The following SCARA3 variants were observed in gnomAD, a reference collection of about 807,000 sequenced individuals.
The protein encoded by SCARA3 is scavenger receptor class A member 3.
Under a neutral mutation model 47.0 loss-of-function variants are expected in SCARA3, and 39 were observed. The ratio of observed to expected loss-of-function variants is 0.83; its 90% CI spans 0.64 to 1.08. The LOEUF (loss-of-function observed/expected upper bound fraction) is 1.08, where lower values mean the gene tolerates loss of function less well. SCARA3 is among the 50% of genes least tolerant of loss of function. SCARA3 has a pLI of 0.00. For missense variants in SCARA3, 724 were observed against 792.3 expected, an observed-to-expected ratio of 0.91 and a Z score of 1.04; for synonymous variants, 356 against 334.1, an observed-to-expected ratio of 1.07 and a Z score of -0.71.
chr8:27,648,010 G>A (rs902614803), intron 1 of SCARA3, among the ~76,000 whole-genome samples: 7 of 152,170 alleles, frequency 4.6e-5, no homozygotes, highest in East Asian at 1.9e-4. Flanking sequence ...CCGAGGCTCC[G>A]CAGCTCATTC....
the SCARA3 span, among the ~76,000 whole-genome samples, chr8:27,729,018 T>C: frequency 6.6e-6 from 1 of 152,148 alleles, no homozygotes; most frequent in Non-Finnish European, 1.5e-5. Flanking sequence ...TGAGCTGTGA[T>C]TGCACCGTTG....
the SCARA3 span, among the ~76,000 whole-genome samples, chr8:27,684,213 A>T: frequency 1.3e-5 from 2 of 152,218 alleles, no homozygotes; most frequent in Admixed American, 6.5e-5. Context: ...ACTCAACTTT[A>T]AAAAAAGTCA....
chr8:27,689,328 A>G, the SCARA3 span, among the ~76,000 whole-genome samples: 1 of 152,148 alleles, frequency 6.6e-6, no homozygotes, highest in East Asian at 1.9e-4. Context: ...GAATGCTGAG[A>G]GTGAATGGGC....
chr8:27,678,892 C>A (rs1802316857), downstream of SCARA3, among the ~76,000 whole-genome samples: 1 of 152,168 alleles, frequency 6.6e-6, no homozygotes, highest in East Asian at 1.9e-4. Flanking sequence ...TTTTAATACT[C>A]AAAAATCAAT....
chr8:27,637,058 C>T (rs1447015077), intron 1 of SCARA3, among the ~76,000 whole-genome samples: 2 of 152,236 alleles, frequency 1.3e-5, no homozygotes, highest in African/African-American at 2.4e-5. Context: ...AAAACAAACA[C>T]GTGATGTGAT....
Position 27,672,042 on chromosome 8 carries a change from G to A in SCARA3, c.*691G>A. On this transcript the variant is annotated 3_prime_UTR_variant, in exon 6 of 6. Transcript: ENST00000301904. Reference sequence around the variant, plus strand: ...AAAAGCCCCAAGGAAACCTTTGCGGGTGGGGCGTTACTGCCAAAACTCCAG... The same window carrying A: ...AAAAGCCCCAAGGAAACCTTTGCGGATGGGGCGTTACTGCCAAAACTCCAG... 1 of 985,414 alleles carries A rather than the reference G, an allele frequency of 1.0e-6. No individual in the cohort carries two copies. Among genetic ancestry groups the A allele is most frequent in the Non-Finnish European group, 1.2e-6 (1 of 829,952 alleles). 61.0% of individuals were successfully genotyped at this position (985,414 alleles called of 1,614,324 possible).
At chr8:27,654,789 C>CAAAAAAAA (rs539914704) in intron 3 of SCARA3, among the ~76,000 whole-genome samples, 1 of 86,122 alleles carries the variant, frequency 1.2e-5, no homozygotes, top group African/African-American at 4.6e-5. Flanking sequence ...GACTGTCTCA[C>CAAAAAAAA]AAAAAAAAAA....
the SCARA3 span, among the ~76,000 whole-genome samples, chr8:27,690,128 A>C: frequency 6.6e-6 from 1 of 152,130 alleles, no homozygotes; most frequent in Non-Finnish European, 1.5e-5. Flanking sequence ...TGATCTTAAC[A>C]CTCTGGGATA....
At chr8:27,635,590 T>G (rs1801232399) in intron 1 of SCARA3, among the ~76,000 whole-genome samples, 1 of 151,494 alleles carries the variant, frequency 6.6e-6, no homozygotes, top group Admixed American at 6.6e-5. Context: ...CTGGTACTAC[T>G]AGGACTACAG....
chr8:27,671,689 CAT>C lies in SCARA3; in HGVS notation c.*340_*341del, dbSNP rs1371789076. On this transcript the variant is annotated 3_prime_UTR_variant, in exon 6 of 6. Transcript: ENST00000301904. ...ACACATGCACACATACACGTGCACA[CAT>C]ACACAGGCACACATGCATGCACACA... 2 of 1,078,214 alleles carry C rather than the reference CAT, an allele frequency of 1.9e-6. No individual in the cohort carries two copies. Among genetic ancestry groups the C allele is most frequent in the Non-Finnish European group, 2.3e-6 (2 of 883,576 alleles). The allele number at this position is 1,078,214 out of a possible 1,614,324, so 66.8% of individuals were successfully genotyped here.
chr8:27,681,112 C>T (rs1304328943), downstream of SCARA3, among the ~76,000 whole-genome samples: 1 of 152,116 alleles, frequency 6.6e-6, no homozygotes, highest in East Asian at 1.9e-4. Flanking sequence ...TTACAACTTA[C>T]AGCCAACATT....
chr8:27,678,487 G>T (rs1217805673), downstream of SCARA3, among the ~76,000 whole-genome samples: 2 of 152,170 alleles, frequency 1.3e-5, no homozygotes, highest in Non-Finnish European at 2.9e-5. Flanking sequence ...AAGAAATAAT[G>T]AGTATAGCTC....
the SCARA3 span, among the ~76,000 whole-genome samples, chr8:27,717,137 A>G: frequency 6.6e-6 from 1 of 152,218 alleles, no homozygotes; most frequent in Non-Finnish European, 1.5e-5. Flanking sequence ...TGGGTGTGAC[A>G]TGGAACCTGA....
chr8:27,693,005 A>C, the SCARA3 span, among the ~76,000 whole-genome samples: 1 of 152,008 alleles, frequency 6.6e-6, no homozygotes, highest in African/African-American at 2.4e-5. Context: ...GTGCACTTGT[A>C]GTCCCAGCAA....
intron 1 of SCARA3, among the ~76,000 whole-genome samples, chr8:27,636,410 T>C (rs1316243392): frequency 6.6e-6 from 1 of 152,146 alleles, no homozygotes; most frequent in Non-Finnish European, 1.5e-5. Context: ...CATTCCAGCC[T>C]GGGCAACAGA....
the SCARA3 span, among the ~76,000 whole-genome samples, chr8:27,724,636 C>T: frequency 4.6e-5 from 7 of 152,168 alleles, no homozygotes; most frequent in South Asian, 2.1e-4. Flanking sequence ...CCAGCCCTGG[C>T]GACAGGGCAA....
downstream of SCARA3, among the ~76,000 whole-genome samples, chr8:27,674,784 A>T (rs1033705326): frequency 8.9e-5 from 12 of 134,514 alleles, no homozygotes; most frequent in Non-Finnish European, 1.4e-4. Context: ...GCTGGAGTGC[A>T]GTGGCGTGAT....
chr8:27,675,153 C>T (rs1181876104), downstream of SCARA3, among the ~76,000 whole-genome samples: 6 of 152,196 alleles, frequency 3.9e-5, no homozygotes, highest in African/African-American at 1.4e-4. Context: ...CACCACCTCT[C>T]CAACCCAGGC....
At chr8:27,677,103 G>A (rs1399414908), downstream of SCARA3, among the ~76,000 whole-genome samples, 6 of 152,250 alleles carry the variant, frequency 3.9e-5, no homozygotes, top group African/African-American at 1.2e-4. Context: ...GGCAGTTTGC[G>A]GATCCCACTG....
Sources: gnomAD v4.1 joint callset for allele counts (sites outside exome capture counted in the v4.1 genomes callset) on GRCh38, gnomAD v4.1.1 for gene constraint, MANE v1.5 for transcripts, NCBI Gene and HGNC (gene_info 2026-07-23, HGNC 2026-07-21) for gene names.